The following ATM variants were observed in gnomAD, a reference collection of about 807,000 sequenced individuals.
ATM encodes the protein serine-protein kinase ATM.
A neutral mutation model predicts 387.0 loss-of-function variants in ATM; 308 were observed. The observed-to-expected ratio is 0.80, with a 90% CI of 0.73 to 0.87. The LOEUF is 0.87. Among genes scored for constraint, ATM ranks in the 40% least tolerant of loss-of-function variants. ATM has a pLI of 0.00. For missense variants in ATM, 3,312 were observed against 3,560.9 expected (o/e 0.93, Z 1.78); for synonymous variants, 1,156 against 1,187.3 (o/e 0.97, Z 0.54).
chr11:108,316,753 C>CAAAAAAAAAAAAA (rs58165074), intron 42 of ATM, among the ~76,000 whole-genome samples: 5 of 72,362 alleles, frequency 6.9e-5, no homozygotes, highest in Admixed American at 1.8e-4. Context: ...ACTAAAAATA[C>CAAAAAAAAAAAAA]AAAAAAAAAA....
At chr11:108,276,111 T>A (rs1481689087) in intron 22 of ATM, among the ~76,000 whole-genome samples, 1 of 152,194 alleles carries the variant, frequency 6.6e-6, no homozygotes, top group Non-Finnish European at 1.5e-5. Flanking sequence ...ATTAAGTTGA[T>A]CTTCAATCTC....
intron 5 of ATM, among the ~76,000 whole-genome samples, chr11:108,242,945 C>T (rs1409815221): frequency 6.6e-6 from 1 of 152,186 alleles, no homozygotes; most frequent in Non-Finnish European, 1.5e-5. Context: ...CTCAGCCAGG[C>T]ACAGTGGCTT....
At chr11:108,230,427 T>G (rs747835859) in intron 4 of ATM, 3 of 152,102 alleles carry the variant, frequency 2.0e-5, no homozygotes, top group Non-Finnish European at 4.4e-5. Flanking sequence ...AAGAAAAGTA[T>G]TAAAAACCTG....
At chr11:108,357,762 CAGAA>C (rs1428990870) in intron 61 of ATM, among the ~76,000 whole-genome samples, 1 of 152,124 alleles carries the variant, frequency 6.6e-6, no homozygotes, top group Non-Finnish European at 1.5e-5. Flanking sequence ...AACTAACAAA[CAGAA>C]AGGATATCCA....
intron 11 of ATM, among the ~76,000 whole-genome samples, chr11:108,252,292 G>A (rs550983020): frequency 6.6e-6 from 1 of 152,312 alleles, no homozygotes; most frequent in Admixed American, 6.5e-5. Context: ...GAGCATTTAT[G>A]TGTTCCTTTC....
chr11:108,262,651 A>T (rs1465092417), intron 16 of ATM, among the ~76,000 whole-genome samples: 9 of 152,060 alleles, frequency 5.9e-5, no homozygotes, highest in Non-Finnish European at 1.2e-4. Context: ...TTTAAATGTA[A>T]ATGGACTAAA....
intron 61 of ATM, among the ~76,000 whole-genome samples, chr11:108,363,568 A>T (rs1027529731): frequency 3.9e-5 from 6 of 152,150 alleles, no homozygotes; most frequent in Non-Finnish European, 7.3e-5. Context: ...TAGTATTGGC[A>T]TCTACTGGGT....
At chr11:108,248,907 A>G (rs2079985667) in intron 8 of ATM, 26 bp from the exon 9 acceptor site, 1 of 1,583,666 alleles carries the variant, frequency 6.3e-7, no homozygotes, top group African/African-American at 1.4e-5. Context: ...AAAAAAGAAA[A>G]AAGTGGATTT....
chr11:108,315,560 T>G (rs1358252602), intron 40 of ATM, among the ~76,000 whole-genome samples: 1 of 152,166 alleles, frequency 6.6e-6, no homozygotes. Flanking sequence ...TTTGTGAATT[T>G]TTTCAAATTG....
chr11:108,227,371 A>T lies in ATM; in HGVS notation c.-30-224A>T, dbSNP rs374282794. The T allele has an allele frequency of 5.5e-4, 242 of 436,304 alleles. 1 individual carries two copies. The highest frequency in any genetic ancestry group is 4.4e-3 in the African/African-American group (222 of 50,094). 27.0% of individuals were successfully genotyped at this position (436,304 alleles called of 1,614,324 possible). Reference sequence around the variant, plus strand: ...CAAGCAAGGCAAACATTTTTGTGTTACAGCATTACTTGTATAGATTTTAAG... The same window carrying T: ...CAAGCAAGGCAAACATTTTTGTGTTTCAGCATTACTTGTATAGATTTTAAG... On this transcript the variant is annotated intron_variant, in intron 1 of 62. Coordinates refer to ENST00000675843, the MANE Select transcript of ATM (RefSeq NM_000051.4).
intron 7 of ATM, among the ~76,000 whole-genome samples, chr11:108,245,821 C>CT (rs369306448): frequency 0.022 from 2,919 of 129,828 alleles, 63 homozygotes; most frequent in Non-Finnish European, 0.026. Flanking sequence ...CTTGTAGCCA[C>CT]TTTTTTTTTT....
chr11:108,357,335 G>C (rs1309717128), intron 61 of ATM, among the ~76,000 whole-genome samples: 13 of 152,222 alleles, frequency 8.5e-5, no homozygotes, highest in Admixed American at 7.9e-4. Context: ...AGCAGTCTGA[G>C]ATCAAACTGC....
chr11:108,262,221 G>T (rs1199946518), intron 16 of ATM, among the ~76,000 whole-genome samples: 1 of 152,170 alleles, frequency 6.6e-6, no homozygotes, highest in Non-Finnish European at 1.5e-5. Flanking sequence ...ACATGTTAAG[G>T]GCAGCCAGAG....
At chr11:108,276,616 G>T (rs548129516) in intron 22 of ATM, among the ~76,000 whole-genome samples, 7 of 152,202 alleles carry the variant, frequency 4.6e-5, no homozygotes, top group South Asian at 4.1e-4. Context: ...TTACAGTCAG[G>T]CCCCTCTGCT....
intron 5 of ATM, among the ~76,000 whole-genome samples, chr11:108,241,661 G>A (rs1164814392): frequency 6.7e-6 from 1 of 150,370 alleles, no homozygotes; most frequent in Non-Finnish European, 1.5e-5. Flanking sequence ...ATCATTTTCA[G>A]ATTGCCTTCT....
intron 23 of ATM, among the ~76,000 whole-genome samples, chr11:108,280,174 AGAAT>A (rs1182508328): frequency 6.6e-6 from 1 of 152,198 alleles, no homozygotes; most frequent in Non-Finnish European, 1.5e-5. Flanking sequence ...AACAATTGAA[AGAAT>A]GTGAGTTTAG....
At chr11:108,355,720 C>G (rs1327790649) in intron 61 of ATM, 1 of 152,228 alleles carries the variant, frequency 6.6e-6, no homozygotes, top group East Asian at 1.9e-4. Context: ...AACCAGGTTT[C>G]TAGAGATGGG....
intron 42 of ATM, 90 bp from the exon 43 acceptor site, chr11:108,317,283 A>T: frequency 7.3e-7 from 1 of 1,378,332 alleles, no homozygotes; most frequent in Non-Finnish European, 1.0e-6. Context: ...AAATTTGTCT[A>T]AGTTAATTTG....
Position 108,261,354 on chromosome 11 carries a change from C to T in ATM, c.2466+2279C>T, listed in dbSNP as rs999671592. ...ACCCCCGAACAGCCTAACTGGGAGG[C>T]ACCCCCCAGCAGGGGCACACTGACA... On this transcript the variant is annotated intron_variant, in intron 16 of 62. Transcript: ENST00000675843. Among the ~76,000 whole-genome samples, 5 of 152,348 alleles carry T rather than the reference C, an allele frequency of 3.3e-5. No individual in the cohort carries two copies. In the South Asian group the frequency reaches 1.0e-3, roughly 32 times the overall value.
Sources: gnomAD v4.1 joint callset for allele counts (sites outside exome capture counted in the v4.1 genomes callset) on GRCh38, gnomAD v4.1.1 for gene constraint, MANE v1.5 for transcripts, NCBI Gene and HGNC (gene_info 2026-07-23, HGNC 2026-07-21) for gene names.